ANKFY1: variants seen among roughly 807,000 people sequenced by gnomAD.
ANKFY1 encodes the protein ankyrin repeat and FYVE domain containing 1.
Under a neutral mutation model 128.3 loss-of-function variants are expected in ANKFY1, and 47 were observed. That is an observed-to-expected ratio of 0.37 (90% CI 0.29 to 0.47). The LOEUF is 0.47. Ranked by LOEUF, ANKFY1 falls within the 20% of genes least tolerant of loss-of-function variation. ANKFY1 has a pLI of 1.00. For synonymous variants in ANKFY1, 553 were observed against 601.6 expected (o/e 0.92, Z 1.18); for missense variants, 1,222 against 1,510.6 (o/e 0.81, Z 3.17).
At chr17:4,232,334 G>A (rs973083433) in intron 3 of ANKFY1, among the ~76,000 whole-genome samples, 1 of 152,148 alleles carries the variant, frequency 6.6e-6, no homozygotes, top group African/African-American at 2.4e-5. Flanking sequence ...CTCAGCAACT[G>A]CAAGCCCAGG....
intron 7 of ANKFY1, among the ~76,000 whole-genome samples, chr17:4,201,232 A>G (rs752381086): frequency 3.9e-5 from 6 of 152,056 alleles, no homozygotes; most frequent in Non-Finnish European, 5.9e-5. Context: ...AGGTCTCACT[A>G]TGTTGCCCAG....
At chr17:4,192,091 TTACTC>T (rs2059727321) in intron 10 of ANKFY1, among the ~76,000 whole-genome samples, 1 of 96,046 alleles carries the variant, frequency 1.0e-5, no homozygotes, top group Non-Finnish European at 2.3e-5. Context: ...TAGTTGATGG[TTACTC>T]TAATCTGGAG....
intron 3 of ANKFY1, among the ~76,000 whole-genome samples, chr17:4,217,462 G>A (rs1247634988): frequency 3.3e-5 from 5 of 152,154 alleles, no homozygotes; most frequent in African/African-American, 4.8e-5. Context: ...CAGGAGAATC[G>A]CTTGAACCCG....
chr17:4,192,524 C>G (rs549755860), intron 10 of ANKFY1, among the ~76,000 whole-genome samples: 2 of 151,770 alleles, frequency 1.3e-5, no homozygotes, highest in East Asian at 3.9e-4. Flanking sequence ...TCTGGAGACT[C>G]TTAGTTGATG....
intron 1 of ANKFY1, among the ~76,000 whole-genome samples, chr17:4,252,615 G>A (rs1967900819): frequency 6.6e-6 from 1 of 152,164 alleles, no homozygotes; most frequent in Non-Finnish European, 1.5e-5. Flanking sequence ...CATTGCTAAT[G>A]GAAATGCAAA....
intron 1 of ANKFY1, among the ~76,000 whole-genome samples, chr17:4,260,357 C>T (rs1968346582): frequency 6.6e-6 from 1 of 152,124 alleles, no homozygotes; most frequent in African/African-American, 2.4e-5. Context: ...TGGCTCACAC[C>T]TGTAATCCCA....
intron 3 of ANKFY1, among the ~76,000 whole-genome samples, chr17:4,224,226 T>G (rs959387601): frequency 2.3e-5 from 3 of 133,176 alleles, no homozygotes; most frequent in Admixed American, 7.5e-5. Context: ...TTTTTTTTTT[T>G]TTTTTTTTTT....
chr17:4,260,738 G>A (rs1293585425), intron 1 of ANKFY1, among the ~76,000 whole-genome samples: 1 of 151,786 alleles, frequency 6.6e-6, no homozygotes, highest in Non-Finnish European at 1.5e-5. Flanking sequence ...AAATATATAT[G>A]GTCAAATGAA....
At chr17:4,263,641 T>G (rs1462849927) in intron 1 of ANKFY1, 3 of 1,534,696 alleles carry the variant, frequency 2.0e-6, no homozygotes, top group Admixed American at 2.0e-5. Flanking sequence ...CCTCCCGTGC[T>G]GCCCTCGGGG....
rs1966882943 is a variant in ANKFY1 at position 4,235,873 on chromosome 17, A to G, written c.221T>C (p.Val74Ala). ...GTGAGCACTGATGTGCCTGTCCCCA[A>G]CCTTTATCTTCAGATCGCTGATGAA... ...QEQYSDLKIKVGDRHISAHKF... is the reference protein window; with the variant it reads ...QEQYSDLKIKAGDRHISAHKF... The change falls in exon 3 of 25, where the codon GTT becomes GCT. Residue 74 changes from valine to alanine, a missense_variant. Physicochemically the swap from Val to Ala is moderately conservative, Grantham distance 64. Transcript: ENST00000341657. 2 of 1,613,638 alleles carry G rather than the reference A, an allele frequency of 1.2e-6. No individual in the cohort carries two copies. Among genetic ancestry groups the G allele is most frequent in the Non-Finnish European group, 8.5e-7 (1 of 1,179,732 alleles).
At chr17:4,168,891 T>C (rs2059262747) in intron 24 of ANKFY1, 1 of 361,232 alleles carries the variant, frequency 2.8e-6, no homozygotes, top group Non-Finnish European at 5.3e-6. Context: ...ATGAGGGCAG[T>C]AGCTCATCTC....
intron 1 of ANKFY1, among the ~76,000 whole-genome samples, chr17:4,258,666 C>A (rs1968252589): frequency 6.6e-6 from 1 of 152,094 alleles, no homozygotes; most frequent in African/African-American, 2.4e-5. Context: ...CTGTGCTGTC[C>A]ATTAGGGGGA....
rs900852492 is a variant in ANKFY1 at position 4,222,529 on chromosome 17, T to C, written c.323-5411A>G. The C allele has an allele frequency of 1.2e-4, 136 of 1,105,478 alleles. No individual in the cohort carries two copies. The Admixed American group carries it at 2.3e-3, about 18-fold the overall frequency. The allele number at this position is 1,105,478 out of a possible 1,614,324, so 68.5% of individuals were successfully genotyped here. ...TCAGGGAGAAGTTCTACGCACTTTATCAGTATTTCGGGTAGAGCTTTCCTG... is the reference window on the plus strand; with the variant it reads ...TCAGGGAGAAGTTCTACGCACTTTACCAGTATTTCGGGTAGAGCTTTCCTG... On this transcript the variant is annotated intron_variant, in intron 3 of 24. Coordinates refer to ENST00000341657, the MANE Select transcript of ANKFY1 (RefSeq NM_001330063.2).
intron 1 of ANKFY1, among the ~76,000 whole-genome samples, chr17:4,260,749 T>C (rs1968374060): frequency 1.3e-5 from 2 of 150,338 alleles, no homozygotes; most frequent in African/African-American, 4.9e-5. Flanking sequence ...GTCAAATGAA[T>C]AGCCATGGAT....
intron 1 of ANKFY1, among the ~76,000 whole-genome samples, chr17:4,258,316 G>A (rs1968228979): frequency 6.6e-6 from 1 of 152,128 alleles, no homozygotes; most frequent in African/African-American, 2.4e-5. Context: ...ACGAGGTCAG[G>A]AGATCAAGAC....
rs1417779766 is a variant in ANKFY1, at chr17:4,217,128, G to C, written c.323-10C>G. 1.2e-6 allele frequency: 2 copies of C among 1,606,010 alleles called. No homozygotes were observed. The highest frequency in any genetic ancestry group is 1.1e-5 in the South Asian group (1 of 90,938). ...ACCTCAGGATTAGCATCTGGTTAAA[G>C]AAAGAGAGAACAACTGAAAAAGCAT... is the stretch of plus-strand genomic sequence containing the variant. On this transcript the variant is annotated splice_polypyrimidine_tract_variant and intron_variant, in intron 3 of 24. Coordinates refer to ENST00000341657, the MANE Select transcript of ANKFY1 (RefSeq NM_001330063.2).
chr17:4,203,963 C>T (rs1281664247), intron 7 of ANKFY1, among the ~76,000 whole-genome samples: 1 of 151,784 alleles, frequency 6.6e-6, no homozygotes, highest in Admixed American at 6.6e-5. Context: ...CAGGCTAATC[C>T]AAGGAGATGG....
chr17:4,200,845 A>G (rs764724995), intron 7 of ANKFY1, among the ~76,000 whole-genome samples: 4 of 152,288 alleles, frequency 2.6e-5, no homozygotes, highest in Non-Finnish European at 5.9e-5. Context: ...TTTTCCTTTC[A>G]TATCTTACGA....
chr17:4,227,519 T>C (rs1473225461), intron 3 of ANKFY1, among the ~76,000 whole-genome samples: 1 of 152,198 alleles, frequency 6.6e-6, no homozygotes, highest in African/African-American at 2.4e-5. Context: ...AATACTCAAA[T>C]TGATAAAGCG....
Sources: gnomAD v4.1 joint callset for allele counts (sites outside exome capture counted in the v4.1 genomes callset) on GRCh38, gnomAD v4.1.1 for gene constraint, MANE v1.5 for transcripts, NCBI Gene and HGNC (gene_info 2026-07-23, HGNC 2026-07-21) for gene names.